SPOCK3: variants seen among roughly 807,000 people sequenced by gnomAD.
SPOCK3 encodes testican-3.
A neutral mutation model predicts 56.6 loss-of-function variants in SPOCK3; 30 were observed. That is an observed-to-expected ratio of 0.53 (90% CI 0.40 to 0.72). The LOEUF (loss-of-function observed/expected upper bound fraction) is 0.72. SPOCK3 is among the 30% of genes least tolerant of loss of function. The pLI is 0.00. For synonymous variants in SPOCK3, 196 were observed against 183.3 expected (o/e 1.07, Z -0.56); for missense variants, 527 against 530.0 (o/e 0.99, Z 0.06).
intron 6 of SPOCK3, among the ~76,000 whole-genome samples, chr4:166,824,085 C>T (rs1024733662): frequency 1.3e-5 from 2 of 151,956 alleles, no homozygotes; most frequent in Admixed American, 6.6e-5. Context: ...CATTCCAGTG[C>T]GCCTCTACAT....
At chr4:166,842,525 A>T (rs1385323176) in intron 6 of SPOCK3, among the ~76,000 whole-genome samples, 1 of 152,098 alleles carries the variant, frequency 6.6e-6, no homozygotes. Context: ...CTTGAGCTAG[A>T]CACAAGGTGC....
chr4:167,127,262 T>C (rs1372492053), intron 2 of SPOCK3, among the ~76,000 whole-genome samples: 2 of 152,142 alleles, frequency 1.3e-5, no homozygotes, highest in South Asian at 2.1e-4. Flanking sequence ...AAATACAGGA[T>C]ACCAAAAACA....
chr4:166,794,154 A>G (rs556594090), intron 6 of SPOCK3, among the ~76,000 whole-genome samples: 1 of 151,080 alleles, frequency 6.6e-6, no homozygotes, highest in South Asian at 2.1e-4. Flanking sequence ...TGAAAATCAA[A>G]GAAACCATCA....
At chr4:167,013,918 G>A (rs1750341483) in intron 3 of SPOCK3, among the ~76,000 whole-genome samples, 1 of 152,066 alleles carries the variant, frequency 6.6e-6, no homozygotes, top group African/African-American at 2.4e-5. Context: ...AGCCTGGGAG[G>A]TAGTGCATAA....
intron 4 of SPOCK3, among the ~76,000 whole-genome samples, chr4:166,921,203 C>T (rs550335969): frequency 6.6e-6 from 1 of 152,200 alleles, no homozygotes; most frequent in East Asian, 1.9e-4. Context: ...TCTGATTTTT[C>T]AAGTTAACAA....
At chr4:167,044,942 T>C (rs1753581899) in intron 3 of SPOCK3, among the ~76,000 whole-genome samples, 2 of 152,108 alleles carry the variant, frequency 1.3e-5, no homozygotes, top group South Asian at 4.1e-4. Context: ...TCATTGATGG[T>C]GCTGTGAGTT....
At chr4:167,233,765 G>A (rs1737427430) in intron 2 of SPOCK3, among the ~76,000 whole-genome samples, 1 of 152,110 alleles carries the variant, frequency 6.6e-6, no homozygotes, top group Non-Finnish European at 1.5e-5. Context: ...TGTGAACCTG[G>A]TGAGACCTGA....
At chr4:166,749,385 GGACAGAAAA>G (rs1736072086) in intron 8 of SPOCK3, among the ~76,000 whole-genome samples, 3 of 89,610 alleles carry the variant, frequency 3.3e-5, no homozygotes, top group South Asian at 2.8e-4. Context: ...ACTATCACAA[GGACAGAAAA>G]CCAAACACCA....
chr4:167,190,566 T>C (rs1248871035), intron 2 of SPOCK3, among the ~76,000 whole-genome samples: 1 of 146,134 alleles, frequency 6.8e-6, no homozygotes, highest in Admixed American at 7.0e-5. Context: ...TAGGTTGCCT[T>C]TTCATTTTCT....
At chr4:167,087,904 G>A (rs914402381) in intron 2 of SPOCK3, among the ~76,000 whole-genome samples, 3 of 151,976 alleles carry the variant, frequency 2.0e-5, no homozygotes, top group Non-Finnish European at 4.4e-5. Context: ...CAATGATGTA[G>A]GTATAGATTT....
intron 6 of SPOCK3, among the ~76,000 whole-genome samples, chr4:166,886,333 C>G (rs970169509): frequency 6.6e-6 from 1 of 152,018 alleles, no homozygotes; most frequent in Non-Finnish European, 1.5e-5. Flanking sequence ...AAAGGGACTG[C>G]AAAACACTGG....
intron 2 of SPOCK3, among the ~76,000 whole-genome samples, chr4:167,066,913 G>T (rs1357640863): frequency 6.6e-6 from 1 of 151,880 alleles, no homozygotes; most frequent in Non-Finnish European, 1.5e-5. Flanking sequence ...GGTGAGGTGG[G>T]TCGGAAGGAT....
upstream of SPOCK3, chr4:167,234,539 G>A: frequency 3.6e-6 from 1 of 274,102 alleles, no homozygotes; most frequent in Non-Finnish European, 7.0e-6. Flanking sequence ...TGCTGCACGC[G>A]CCGCCGTCTC....
intron 7 of SPOCK3, among the ~76,000 whole-genome samples, chr4:166,766,783 C>T (rs1257566476): frequency 6.6e-6 from 1 of 152,078 alleles, no homozygotes; most frequent in Non-Finnish European, 1.5e-5. Context: ...CTCCTTGTAC[C>T]TCTGGTAGAA....
intron 5 of SPOCK3, among the ~76,000 whole-genome samples, chr4:166,903,643 A>G (rs1736302527): frequency 6.6e-6 from 1 of 151,614 alleles, no homozygotes; most frequent in Non-Finnish European, 1.5e-5. Context: ...GATTGTAGTT[A>G]TTGACAGGTG....
At chr4:166,837,232 G>T (rs1746712896) in intron 6 of SPOCK3, among the ~76,000 whole-genome samples, 1 of 152,154 alleles carries the variant, frequency 6.6e-6, no homozygotes, top group African/African-American at 2.4e-5. Context: ...TTTCTGAGTA[G>T]TGTGAAGTTA....
At chr4:167,053,824 C>G (rs1340509156) in intron 3 of SPOCK3, among the ~76,000 whole-genome samples, 1 of 152,102 alleles carries the variant, frequency 6.6e-6, no homozygotes, top group East Asian at 1.9e-4. Context: ...TGAGAAAAGA[C>G]AGAAGGATGC....
intron 3 of SPOCK3, among the ~76,000 whole-genome samples, chr4:167,000,984 C>T (rs1486157817): frequency 6.6e-6 from 1 of 152,104 alleles, no homozygotes; most frequent in Non-Finnish European, 1.5e-5. Flanking sequence ...ATAGTAAGAA[C>T]TGAGATTCTG....
intron 4 of SPOCK3, among the ~76,000 whole-genome samples, chr4:166,965,898 A>G (rs1744684570): frequency 6.6e-6 from 1 of 152,042 alleles, no homozygotes; most frequent in Admixed American, 6.6e-5. Context: ...CTTGGTATAC[A>G]TTTCATGGGT....
Sources: allele counts gnomAD v4.1 joint callset (sites outside exome capture counted in the v4.1 genomes callset), GRCh38; gene constraint gnomAD v4.1.1; transcripts MANE v1.5; gene names NCBI Gene and HGNC (gene_info 2026-07-23, HGNC 2026-07-21).